CCND3: variants seen among roughly 807,000 people sequenced by gnomAD.
The protein encoded by CCND3 is cyclin D3, also known as G1/S-specific cyclin-D3.
CCND3 carries 9 observed loss-of-function variants against 28.7 expected under a neutral mutation model. That is an observed-to-expected ratio of 0.31 (90% CI 0.19 to 0.55). CCND3 has a LOEUF of 0.55. Among genes scored for constraint, CCND3 ranks in the 20% least tolerant of loss-of-function variants. CCND3 has a pLI of 0.93. For synonymous variants in CCND3, 164 were observed against 163.9 expected (o/e 1.00, Z 0.00); for missense variants, 315 against 385.8 (o/e 0.82, Z 1.54).
intron 1 of CCND3, among the ~76,000 whole-genome samples, chr6:42,024,644 G>A (rs905105830): frequency 6.6e-6 from 1 of 152,126 alleles, no homozygotes; most frequent in Non-Finnish European, 1.5e-5. Context: ...AAGCAGGGCA[G>A]GCATGGTGGC....
Position 41,935,721 on chromosome 6 carries a change from C to G in CCND3, c.*219G>C. The G allele has an allele frequency of 3.6e-6, 2 of 561,514 alleles. No homozygotes were observed. The highest frequency in any genetic ancestry group is 2.3e-5 in the South Asian group (1 of 42,638). The allele number at this position is 561,514 out of a possible 1,614,324, so 34.8% of individuals were successfully genotyped here. On this transcript the variant is annotated 3_prime_UTR_variant, in exon 5 of 5. Coordinates refer to ENST00000372991, the MANE Select transcript of CCND3 (RefSeq NM_001760.5). ...TGGGAAAGGCGCTGCTGGTCAGATG[C>G]AGGGAGGAGGAGCTTGACTAGCCAC...
chr6:42,038,809 A>G (rs1299886671), intron 1 of CCND3, among the ~76,000 whole-genome samples: 1 of 152,152 alleles, frequency 6.6e-6, no homozygotes, highest in African/African-American at 2.4e-5. Flanking sequence ...CTCCGGAATA[A>G]TTTCTCATCT....
At chr6:41,942,355 G>C (rs1399829891), upstream of CCND3, among the ~76,000 whole-genome samples, 1 of 152,230 alleles carries the variant, frequency 6.6e-6, no homozygotes, top group Non-Finnish European at 1.5e-5. Flanking sequence ...TAGTTAAACT[G>C]TGATCCCAGA....
chr6:42,008,567 T>C (rs548667240), intron 1 of CCND3, among the ~76,000 whole-genome samples: 20 of 152,326 alleles, frequency 1.3e-4, no homozygotes, highest in African/African-American at 4.6e-4. Flanking sequence ...TAGGCTGGTT[T>C]TTAATTACAA....
chr6:41,995,121 A>T (rs1373522507), intron 1 of CCND3, among the ~76,000 whole-genome samples: 1 of 152,136 alleles, frequency 6.6e-6, no homozygotes, highest in East Asian at 1.9e-4. Context: ...ATTAGTTAAA[A>T]TTTTTATTTA....
chr6:41,968,043 C>T (rs61375651), intron 1 of CCND3, among the ~76,000 whole-genome samples: 15,682 of 152,178 alleles, frequency 0.1, 888 homozygotes, highest in East Asian at 0.23. Flanking sequence ...ATCTTCATTC[C>T]AACTAAAGTG....
chr6:41,979,567 G>A (rs1341627473), intron 1 of CCND3, among the ~76,000 whole-genome samples: 1 of 147,940 alleles, frequency 6.8e-6, no homozygotes, highest in East Asian at 2.0e-4. Context: ...ATATATATAT[G>A]TTCAATATAT....
At position 41,983,279 on chromosome 6, in the gene CCND3, G is replaced by C. The variant is rs1582131242; in HGVS notation, c.-45-42694C>G. On this transcript the variant is annotated intron_variant, in intron 1 of 4. Coordinates refer to the CCND3 transcript ENST00000372988. ...TGTAATCCCAGCTACTCGGGAGGCT[G>C]AGGTAGGAAAATCGCTTGAGCCCAG... Among the ~76,000 whole-genome samples the C allele has an allele frequency of 2.0e-5, 3 of 151,802 alleles. No homozygotes were observed. The South Asian group carries it at 6.2e-4, about 32-fold the overall frequency.
Position 42,046,043 on chromosome 6 carries a change from C to G in CCND3, c.-46+2458G>C, listed in dbSNP as rs141674613. Among the ~76,000 whole-genome samples, 482 of 152,330 alleles carry G rather than the reference C, an allele frequency of 3.2e-3. 2 individuals carry two copies. The highest frequency in any genetic ancestry group is 0.011 in the African/African-American group (448 of 41,572). On this transcript the variant is annotated intron_variant, in intron 1 of 4. Coordinates refer to the CCND3 transcript ENST00000372988. Reference sequence around the variant, plus strand: ...CTTACCCGTTTTCTCAGTGCAGCCACCCTCCACCCAGTTCCCACCCTCGAC... The same window carrying G: ...CTTACCCGTTTTCTCAGTGCAGCCAGCCTCCACCCAGTTCCCACCCTCGAC...
intron 1 of CCND3, among the ~76,000 whole-genome samples, chr6:41,954,000 CA>C (rs1582102833): frequency 6.6e-6 from 1 of 151,770 alleles, no homozygotes; most frequent in Non-Finnish European, 1.5e-5. Context: ...CCTTTAATCC[CA>C]GCACTTTGGG....
intron 1 of CCND3, among the ~76,000 whole-genome samples, chr6:41,958,952 G>A (rs1761618499): frequency 6.6e-6 from 1 of 152,152 alleles, no homozygotes; most frequent in Non-Finnish European, 1.5e-5. Flanking sequence ...ACCTAACCTA[G>A]CAATTCCACT....
chr6:42,039,175 TC>T (rs1764303247), intron 1 of CCND3, among the ~76,000 whole-genome samples: 1 of 152,218 alleles, frequency 6.6e-6, no homozygotes, highest in Non-Finnish European at 1.5e-5. Context: ...GAAGAGAATG[TC>T]CAAATCATGT....
chr6:42,034,468 CTT>C (rs34822771), intron 1 of CCND3, among the ~76,000 whole-genome samples: 2 of 50,978 alleles, frequency 3.9e-5, no homozygotes, highest in African/African-American at 1.7e-4. Flanking sequence ...CCCTGTCACT[CTT>C]TTTTTTTTTT....
intron 1 of CCND3, among the ~76,000 whole-genome samples, chr6:41,951,790 G>A (rs747553975): frequency 2.6e-5 from 4 of 151,082 alleles, no homozygotes; most frequent in Admixed American, 1.3e-4. Flanking sequence ...ACAGAGTCTC[G>A]CTCTGTCGCC....
chr6:42,033,956 AC>A (rs1764119868), intron 1 of CCND3, among the ~76,000 whole-genome samples: 1 of 152,120 alleles, frequency 6.6e-6, no homozygotes, highest in South Asian at 2.1e-4. Flanking sequence ...GGATTTTGAG[AC>A]CAGCCTGGGC....
chr6:42,017,004 G>A (rs1198484262), intron 1 of CCND3, among the ~76,000 whole-genome samples: 1 of 152,228 alleles, frequency 6.6e-6, no homozygotes, highest in Non-Finnish European at 1.5e-5. Context: ...ATAAATGAGT[G>A]GAGTCACAGA....
At chr6:42,049,905 G>A (rs1252892057), upstream of CCND3, 4 of 152,284 alleles carry the variant, frequency 2.6e-5, no homozygotes, top group African/African-American at 9.6e-5. Flanking sequence ...GCTGGGCCCA[G>A]CCAGGTGTTA....
In CCND3 at chr6:41,954,723, C is replaced by G. The variant is rs1332207389; in HGVS notation, c.-45-14138G>C. 2.0e-5 allele frequency among the ~76,000 whole-genome samples: 3 copies of G among 152,082 alleles called. No homozygotes were observed. In the South Asian group the frequency reaches 6.2e-4, roughly 31 times the overall value. ...CTCATTCATTTAATCCACATAATAT[C>G]AAACTTCTGAATTAAAGTATTATTA... is the stretch of plus-strand genomic sequence containing the variant. On this transcript the variant is annotated intron_variant, in intron 1 of 4. Coordinates refer to the CCND3 transcript ENST00000372988.
intron 1 of CCND3, among the ~76,000 whole-genome samples, chr6:42,036,393 A>T (rs1582188783): frequency 4.9e-5 from 2 of 40,508 alleles, no homozygotes; most frequent in African/African-American, 9.9e-5. Flanking sequence ...ATATATATAT[A>T]TATATATATA....
Sources: gnomAD v4.1 joint callset for allele counts (sites outside exome capture counted in the v4.1 genomes callset) on GRCh38, gnomAD v4.1.1 for gene constraint, MANE v1.5 for transcripts, NCBI Gene and HGNC (gene_info 2026-07-23, HGNC 2026-07-21) for gene names.